Variants in PGM5 observed in about 807,000 individuals in gnomAD.
The protein encoded by PGM5 is phosphoglucomutase-like protein 5.
A neutral mutation model predicts 59.2 loss-of-function variants in PGM5; 23 were observed. That is an observed-to-expected ratio of 0.39 (90% CI 0.28 to 0.55). The LOEUF is 0.55. PGM5 is among the 20% of genes least tolerant of loss of function. The pLI, the probability that PGM5 is intolerant of heterozygous loss-of-function variation, is 0.66. For synonymous variants in PGM5, 214 were observed against 286.0 expected (o/e 0.75, Z 2.54); for missense variants, 574 against 748.3 (o/e 0.77, Z 2.72).
intron 10 of PGM5, among the ~76,000 whole-genome samples, chr9:68,502,154 G>A (rs1318939606): frequency 1.3e-5 from 2 of 152,198 alleles, no homozygotes; most frequent in African/African-American, 4.8e-5. Flanking sequence ...GCAGGTTCTT[G>A]CCCTGATCCC....
intron 9 of PGM5, among the ~76,000 whole-genome samples, chr9:68,492,446 C>T (rs1441680734): frequency 6.6e-6 from 1 of 152,110 alleles, no homozygotes; most frequent in Non-Finnish European, 1.5e-5. Context: ...ACCTTGATTT[C>T]CCCAGATAGT....
chr9:68,408,108 C>T (rs1208279897), intron 6 of PGM5, among the ~76,000 whole-genome samples: 6 of 152,218 alleles, frequency 3.9e-5, no homozygotes, highest in Non-Finnish European at 7.3e-5. Flanking sequence ...CATTTCCCCC[C>T]AGATGGGGTT....
intron 9 of PGM5, chr9:68,497,240 C>T (rs1487237511): frequency 6.6e-6 from 1 of 152,166 alleles, no homozygotes. Context: ...AAAATTACTC[C>T]AGGCTTAAGG....
At chr9:68,463,698 ATTTCT>A (rs1278755579) in intron 6 of PGM5, among the ~76,000 whole-genome samples, 1 of 152,128 alleles carries the variant, frequency 6.6e-6, no homozygotes, top group Non-Finnish European at 1.5e-5. Context: ...TTTGTTACTG[ATTTCT>A]TTTACTTAAT....
At chr9:68,515,981 A>G (rs915385908) in intron 10 of PGM5, among the ~76,000 whole-genome samples, 12 of 152,356 alleles carry the variant, frequency 7.9e-5, no homozygotes, top group African/African-American at 2.6e-4. Context: ...GGCTAGGCAG[A>G]ATGCTATGTG....
intron 8 of PGM5, among the ~76,000 whole-genome samples, chr9:68,483,157 GA>G: frequency 6.6e-6 from 1 of 152,216 alleles, no homozygotes; most frequent in East Asian, 1.9e-4. Context: ...AGAAATAGCA[GA>G]GAGCAAGACA....
At chr9:68,483,505 T>C (rs576916975) in intron 8 of PGM5, among the ~76,000 whole-genome samples, 1 of 152,192 alleles carries the variant, frequency 6.6e-6, no homozygotes, top group Non-Finnish European at 1.5e-5. Flanking sequence ...CCAGTGTGGC[T>C]GGAGCCAGTG....
chr9:68,477,563 C>G (rs1554686779), intron 7 of PGM5, among the ~76,000 whole-genome samples: 2 of 152,150 alleles, frequency 1.3e-5, no homozygotes, highest in African/African-American at 4.8e-5. Context: ...GCAAGAAGGT[C>G]CACTCTGTGG....
intron 6 of PGM5, among the ~76,000 whole-genome samples, chr9:68,450,857 T>C (rs184796864): frequency 3.9e-5 from 6 of 152,316 alleles, no homozygotes; most frequent in South Asian, 4.1e-4. Context: ...ATTAACTGCA[T>C]TGGAAATTGA....
At chr9:68,368,577 C>T (rs1313167810) in intron 1 of PGM5, among the ~76,000 whole-genome samples, 1 of 152,170 alleles carries the variant, frequency 6.6e-6, no homozygotes, top group Non-Finnish European at 1.5e-5. Flanking sequence ...GATATGTAAG[C>T]ATGTTACAAT....
At chr9:68,435,678 AT>A (rs1167766532) in intron 6 of PGM5, among the ~76,000 whole-genome samples, 1 of 152,190 alleles carries the variant, frequency 6.6e-6, no homozygotes, top group African/African-American at 2.4e-5. Flanking sequence ...ATTGATGGAC[AT>A]TTGGGTTGTT....
chr9:68,404,303 A>G (rs1421789850), intron 6 of PGM5, among the ~76,000 whole-genome samples: 1 of 151,828 alleles, frequency 6.6e-6, no homozygotes, highest in African/African-American at 2.4e-5. Context: ...ATTTTTTTGT[A>G]TTTTTACTAG....
At chr9:68,463,768 C>A (rs868966308) in intron 6 of PGM5, among the ~76,000 whole-genome samples, 6 of 152,150 alleles carry the variant, frequency 3.9e-5, no homozygotes, top group South Asian at 2.1e-4. Flanking sequence ...CATCTTAAGT[C>A]AAAAATATTG....
chr9:68,424,503 C>A (rs1275909262), intron 6 of PGM5, among the ~76,000 whole-genome samples: 1 of 152,126 alleles, frequency 6.6e-6, no homozygotes, highest in African/African-American at 2.4e-5. Flanking sequence ...CTAATCACCC[C>A]CAAAAGGTCC....
chr9:68,469,422 G>A (rs1210955269), intron 7 of PGM5, among the ~76,000 whole-genome samples: 7 of 152,102 alleles, frequency 4.6e-5, no homozygotes, highest in African/African-American at 1.7e-4. Flanking sequence ...CTAGAAATTT[G>A]GAATTGAATC....
intron 1 of PGM5, among the ~76,000 whole-genome samples, chr9:68,360,792 C>T (rs1282250067): frequency 6.6e-6 from 1 of 152,136 alleles, no homozygotes; most frequent in African/African-American, 2.4e-5. Context: ...ATCTTTAGTA[C>T]AGATTTCTAA....
At chr9:68,435,302 A>G (rs1222266104) in intron 6 of PGM5, among the ~76,000 whole-genome samples, 1 of 152,200 alleles carries the variant, frequency 6.6e-6, no homozygotes, top group Admixed American at 6.5e-5. Flanking sequence ...GCACATTTAA[A>G]ATATACAATT....
chr9:68,496,640 A>G (rs145491959), intron 9 of PGM5, among the ~76,000 whole-genome samples: 1 of 152,380 alleles, frequency 6.6e-6, no homozygotes, highest in Non-Finnish European at 1.5e-5. Context: ...CTAGGCATGT[A>G]GCATGTAGTA....
Position 68,357,269 on chromosome 9 carries a change from G to T in PGM5, c.142G>T (p.Val48Leu), listed in dbSNP as rs1360818024. Residue 48 changes from valine (V) to leucine (L), a missense_variant, in exon 1 of 11, where the codon GTG becomes TTG. Transcript: ENST00000396396. ...RNYLPNFIQSVLSSIDLRDRQ... is the reference protein window; with the variant it reads ...RNYLPNFIQSLLSSIDLRDRQ... ...CTACCTGCCCAACTTTATCCAGAGC[G>T]TGCTGTCGTCCATCGACCTGCGCGA... 1.5e-5 allele frequency: 23 copies of T among 1,544,292 alleles called. No individual in the cohort carries two copies. The highest frequency in any genetic ancestry group is 2.0e-5 in the Non-Finnish European group (23 of 1,146,004).
Sources: gnomAD v4.1 joint callset for allele counts (sites outside exome capture counted in the v4.1 genomes callset) on GRCh38, gnomAD v4.1.1 for gene constraint, MANE v1.5 for transcripts, NCBI Gene and HGNC (gene_info 2026-07-23, HGNC 2026-07-21) for gene names.